Variants in FBXL4 observed in about 807,000 individuals in gnomAD.
FBXL4 encodes the protein F-box and leucine rich repeat protein 4.
Under a neutral mutation model 58.9 loss-of-function variants are expected in FBXL4, and 40 were observed. The ratio of observed to expected loss-of-function variants is 0.68; its 90% confidence interval spans 0.53 to 0.88. The LOEUF is 0.88. FBXL4 is among the 40% of genes least tolerant of loss of function. The pLI is 0.00. For missense variants in FBXL4, 676 were observed against 734.4 expected (o/e 0.92, Z 0.92); for synonymous variants, 263 against 265.5 (o/e 0.99, Z 0.09).
chr6:98,904,370 T>C (rs1771720672), intron 6 of FBXL4, among the ~76,000 whole-genome samples: 1 of 152,230 alleles, frequency 6.6e-6, no homozygotes, highest in African/African-American at 2.4e-5. Flanking sequence ...TAGCCATTAC[T>C]ACTTGGTTTA....
At chr6:98,909,184 T>G (rs916064071) in intron 5 of FBXL4, among the ~76,000 whole-genome samples, 3 of 152,164 alleles carry the variant, frequency 2.0e-5, no homozygotes, top group African/African-American at 7.2e-5. Flanking sequence ...CTTGACTAAT[T>G]TGGCTGTATA....
chr6:98,929,080 T>A (rs973228143), intron 2 of FBXL4, among the ~76,000 whole-genome samples: 2 of 152,216 alleles, frequency 1.3e-5, no homozygotes, highest in African/African-American at 2.4e-5. Context: ...CACAAAATAT[T>A]TGACATGTTG....
chr6:98,896,538 G>C (rs1029668407), intron 7 of FBXL4, among the ~76,000 whole-genome samples: 3 of 151,954 alleles, frequency 2.0e-5, no homozygotes, highest in African/African-American at 7.3e-5. Flanking sequence ...ACACTGCCTG[G>C]GTAAGATTTT....
chr6:98,894,310 T>G (rs975342695), intron 7 of FBXL4, among the ~76,000 whole-genome samples: 1 of 152,202 alleles, frequency 6.6e-6, no homozygotes, highest in Non-Finnish European at 1.5e-5. Context: ...CTTAAGTCCT[T>G]TAAATCATTA....
rs931266784 is a variant in FBXL4, at chr6:98,870,770, T to G, written c.*3508A>C. On this transcript the variant is annotated 3_prime_UTR_variant, in exon 10 of 10. Coordinates refer to ENST00000369244, the MANE Select transcript of FBXL4 (RefSeq NM_001278716.2). ...TATGATGTTTAATATGCAATGTCAT[T>G]ATAGCTGTTCTTAAAGAATACTATA... 7.9e-5 allele frequency: 12 copies of G among 152,212 alleles called. No individual in the cohort carries two copies. The highest frequency in any genetic ancestry group is 2.9e-4 in the African/African-American group (12 of 41,458). The allele number at this position is 152,212 out of a possible 1,614,324, so 9.4% of individuals were successfully genotyped here. A position where few individuals can be genotyped will look rare whatever the true frequency, so the allele number is the denominator to read the frequency against.
Position 98,872,379 on chromosome 6 carries a change from A to T in FBXL4, c.*1899T>A, listed in dbSNP as rs1770513921. On this transcript the variant is annotated 3_prime_UTR_variant, in exon 10 of 10. Coordinates refer to ENST00000369244, the MANE Select transcript of FBXL4 (RefSeq NM_001278716.2). ...TCATGGATTAATGTAAGTATTTGAC[A>T]ATACCTATCTGCAAGGAATTTTCAG... The T allele has an allele frequency of 1.3e-5, 2 of 152,218 alleles. No homozygotes were observed. The highest frequency in any genetic ancestry group is 4.8e-5 in the African/African-American group (2 of 41,454). 9.4% of individuals were successfully genotyped at this position (152,218 alleles called of 1,614,324 possible). A position where few individuals can be genotyped will look rare whatever the true frequency, so the allele number is the denominator to read the frequency against.
intron 7 of FBXL4, among the ~76,000 whole-genome samples, chr6:98,894,558 G>A (rs1582387483): frequency 6.6e-6 from 1 of 152,074 alleles, no homozygotes; most frequent in Non-Finnish European, 1.5e-5. Context: ...TTCTAAAAAG[G>A]TTTCCCAACA....
chr6:98,891,538 T>C (rs1266191409), intron 7 of FBXL4, among the ~76,000 whole-genome samples: 9 of 152,100 alleles, frequency 5.9e-5, no homozygotes, highest in Admixed American at 2.0e-4. Context: ...TCCTCACAGA[T>C]ACTCGACTGA....
intron 1 of FBXL4, among the ~76,000 whole-genome samples, chr6:98,942,940 A>AG (rs1259939076): frequency 6.6e-6 from 1 of 152,104 alleles, no homozygotes; most frequent in African/African-American, 2.4e-5. Flanking sequence ...TCCTATTAAG[A>AG]GATAAACCCA....
intron 5 of FBXL4, 74 bp downstream of exon 5, chr6:98,917,300 G>A: frequency 9.7e-7 from 1 of 1,035,584 alleles, no homozygotes; most frequent in African/African-American, 1.6e-5. Flanking sequence ...CCGATGCTCA[G>A]TAAACATTAA....
At chr6:98,915,249 G>A (rs1468248669) in intron 5 of FBXL4, among the ~76,000 whole-genome samples, 1 of 152,040 alleles carries the variant, frequency 6.6e-6, no homozygotes, top group Admixed American at 6.5e-5. Flanking sequence ...ACTGCCCAAG[G>A]TAATTTATAG....
chr6:98,930,947 T>G (rs1772989985), intron 2 of FBXL4, among the ~76,000 whole-genome samples: 1 of 152,244 alleles, frequency 6.6e-6, no homozygotes, highest in Admixed American at 6.5e-5. Context: ...AAATAAAATT[T>G]AGGAAATAAA....
chr6:98,924,322 C>T (rs1772691893), intron 4 of FBXL4, among the ~76,000 whole-genome samples: 4 of 152,064 alleles, frequency 2.6e-5, no homozygotes, highest in South Asian at 4.1e-4. Context: ...TTTGGGAGGC[C>T]GAGGCAGGCG....
intron 4 of FBXL4, among the ~76,000 whole-genome samples, chr6:98,920,855 C>CACACACAT (rs1466849345): frequency 2.0e-5 from 3 of 148,266 alleles, no homozygotes; most frequent in Non-Finnish European, 4.5e-5. Flanking sequence ...CACACACACA[C>CACACACAT]ATTCTGGAGA....
In FBXL4 at chr6:98,927,815, T is replaced by G. The variant is rs955020304; in HGVS notation, c.-183A>C. On this transcript the variant is annotated 5_prime_UTR_variant, in exon 3 of 10. Transcript: ENST00000369244. ...AGGTACAAATGCTGACATGTGACAT[T>G]CTTTTACCTGTAAGAAAAGAGTTTT... is the stretch of plus-strand genomic sequence containing the variant. 5 of 152,256 alleles carry G rather than the reference T, an allele frequency of 3.3e-5. No individual in the cohort carries two copies. Among genetic ancestry groups the G allele is most frequent in the Non-Finnish European group, 7.3e-5 (5 of 68,048 alleles). 9.4% of individuals were successfully genotyped at this position (152,256 alleles called of 1,614,324 possible). A position where few individuals can be genotyped will look rare whatever the true frequency, so the allele number is the denominator to read the frequency against.
chr6:98,945,432 C>G (rs374805183), intron 1 of FBXL4, among the ~76,000 whole-genome samples: 1 of 152,088 alleles, frequency 6.6e-6, no homozygotes, highest in South Asian at 2.1e-4. Context: ...CAAAAGTAGA[C>G]TTAAATATAT....
chr6:98,871,333 G>A lies in FBXL4; in HGVS notation c.*2945C>T, dbSNP rs1770485935. 6.6e-6 allele frequency: 1 copy of A among 152,162 alleles called. No homozygotes were observed. Among genetic ancestry groups the A allele is most frequent in the South Asian group, 2.1e-4 (1 of 4,824 alleles). 9.4% of individuals were successfully genotyped at this position (152,162 alleles called of 1,614,324 possible). A position where few individuals can be genotyped will look rare whatever the true frequency, so the allele number is the denominator to read the frequency against. On this transcript the variant is annotated 3_prime_UTR_variant, in exon 10 of 10. Transcript: ENST00000369244. ...AAAAACAAGGCAAATGACCCTGAGTGGTTTTCCTTGGCTCTTGATGAGTCA... is the reference window on the plus strand; with the variant it reads ...AAAAACAAGGCAAATGACCCTGAGTAGTTTTCCTTGGCTCTTGATGAGTCA...
At chr6:98,931,805 T>C (rs531695419) in intron 2 of FBXL4, among the ~76,000 whole-genome samples, 1 of 152,330 alleles carries the variant, frequency 6.6e-6, no homozygotes, top group Non-Finnish European at 1.5e-5. Context: ...CTCTCTACTT[T>C]TCCCTGGGAA....
chr6:98,917,717 C>T lies in FBXL4; in HGVS notation c.515G>A (p.Trp172Ter), dbSNP rs1361276971. ...YSPNPPAEVR[W>*]EILWSERPTK... ...AGGTCTCTCTGACCAAAGAATCTCC[C>T]ATCTGCCAAAAAAAGAAACTTCCCT... The change falls in exon 5 of 10, where the codon TGG becomes TAG. Residue 172 changes from tryptophan (W) to a stop codon, truncating the protein, a stop_gained and splice_region_variant. Transcript: ENST00000369244. LOFTEE classifies it high-confidence loss of function. 2.5e-6 allele frequency: 4 copies of T among 1,582,514 alleles called. No individual in the cohort carries two copies.
Sources: allele counts gnomAD v4.1 joint callset (sites outside exome capture counted in the v4.1 genomes callset), GRCh38; gene constraint gnomAD v4.1.1; transcripts MANE v1.5; gene names NCBI Gene and HGNC (gene_info 2026-07-23, HGNC 2026-07-21).